The following KDM2A variants were observed in gnomAD, a reference collection of about 807,000 sequenced individuals.
KDM2A encodes the protein lysine-specific demethylase 2A.
In KDM2A, 3 loss-of-function variants were observed where a neutral mutation model predicts 137.3. The ratio of observed to expected loss-of-function variants is 0.02; its 90% CI spans 0.01 to 0.06. The LOEUF (loss-of-function observed/expected upper bound fraction) is 0.06. Ranked by LOEUF, KDM2A falls within the 10% of genes least tolerant of loss-of-function variation. The pLI is 1.00. For synonymous variants in KDM2A, 512 were observed against 541.5 expected (o/e 0.95, Z 0.76); for missense variants, 738 against 1,510.6 (o/e 0.49, Z 8.48).
intron 5 of KDM2A, among the ~76,000 whole-genome samples, chr11:67,200,438 C>T (rs1173154035): frequency 1.3e-5 from 2 of 152,098 alleles, no homozygotes; most frequent in Non-Finnish European, 2.9e-5. Context: ...AGGATGATCG[C>T]GATCTCCTCA....
At chr11:67,123,278 T>G in intron 2 of KDM2A, among the ~76,000 whole-genome samples, 1 of 97,104 alleles carries the variant, frequency 1.0e-5, no homozygotes, top group Non-Finnish European at 1.7e-5. Flanking sequence ...TACCTGGCTT[T>G]TTTTTTTTTT....
At position 67,209,695 on chromosome 11, in the gene KDM2A, C is replaced by T. The variant is rs191860127; in HGVS notation, c.486+2007C>T. 2.6e-3 allele frequency among the ~76,000 whole-genome samples: 389 copies of T among 152,304 alleles called. 2 individuals carry two copies. Among genetic ancestry groups the T allele is most frequent in the African/African-American group, 9.0e-3 (375 of 41,578 alleles). On this transcript the variant is annotated intron_variant, in intron 6 of 20. Transcript: ENST00000529006. ...CTGACCTCAGGTGATCCACCTGTCT[C>T]AGCCTCCCAAAGTGCTGGAATTACA...
intron 2 of KDM2A, among the ~76,000 whole-genome samples, chr11:67,166,004 A>G (rs1292899843): frequency 1.3e-5 from 2 of 152,136 alleles, no homozygotes; most frequent in East Asian, 3.8e-4. Flanking sequence ...AGTTGCATCA[A>G]TTATAAAAGG....
At chr11:67,176,033 A>G (rs1222849819) in intron 2 of KDM2A, among the ~76,000 whole-genome samples, 2 of 152,174 alleles carry the variant, frequency 1.3e-5, no homozygotes, top group Admixed American at 1.3e-4. Context: ...TTGAATGATG[A>G]TGGCATTATT....
chr11:67,249,084 TTC>T, intron 16 of KDM2A, among the ~76,000 whole-genome samples: 2 of 152,360 alleles, frequency 1.3e-5, no homozygotes, highest in Admixed American at 1.3e-4. Flanking sequence ...GAAAGGAATT[TTC>T]TTACTTTTTA....
At chr11:67,190,436 A>G (rs918560782) in intron 5 of KDM2A, among the ~76,000 whole-genome samples, 4 of 152,118 alleles carry the variant, frequency 2.6e-5, no homozygotes, top group African/African-American at 7.2e-5. Context: ...AAGTGAGGAC[A>G]TTACTTCCAA....
chr11:67,119,272 T>G lies in KDM2A; in HGVS notation c.-861T>G, dbSNP rs1393342406. On this transcript the variant is annotated 5_prime_UTR_variant, in exon 1 of 21. Transcript: ENST00000529006. The stretch of plus-strand genomic sequence containing the variant: ...CGGAGGAGCTGTGTGTATGTGAGAG[T>G]CTGACGGGTTCAAAATGGCGGCGGC... 1 of 153,810 alleles carries G rather than the reference T, an allele frequency of 6.5e-6. No individual in the cohort carries two copies. The highest frequency in any genetic ancestry group is 1.4e-5 in the Non-Finnish European group (1 of 69,604). 9.5% of individuals were successfully genotyped at this position (153,810 alleles called of 1,614,324 possible). A position where few individuals can be genotyped will look rare whatever the true frequency, so the allele number is the denominator to read the frequency against.
intron 2 of KDM2A, among the ~76,000 whole-genome samples, chr11:67,126,707 CAAAAA>C (rs765065960): frequency 1.3e-5 from 1 of 75,274 alleles, no homozygotes; most frequent in Admixed American, 1.6e-4. Flanking sequence ...GACTCCATTT[CAAAAA>C]AAAAAAAAAA....
chr11:67,242,278 ATG>A (rs35881675), intron 12 of KDM2A, among the ~76,000 whole-genome samples: 130,660 of 148,152 alleles, frequency 0.88, 57,841 homozygotes, highest in South Asian at 0.94. Context: ...GGGTGTGTGT[ATG>A]TGTGTGTGTG....
chr11:67,131,320 G>A (rs993754473), intron 2 of KDM2A, among the ~76,000 whole-genome samples: 19 of 151,616 alleles, frequency 1.3e-4, no homozygotes, highest in Non-Finnish European at 2.4e-4. Context: ...GCGAAACTCC[G>A]TCTCAAAAAA....
chr11:67,147,309 G>T (rs918389773), intron 2 of KDM2A, among the ~76,000 whole-genome samples: 1 of 151,966 alleles, frequency 6.6e-6, no homozygotes, highest in Admixed American at 6.6e-5. Flanking sequence ...TTGGGAGGCC[G>T]AGGCGGGCCA....
At chr11:67,171,829 A>G (rs1430064981) in intron 2 of KDM2A, among the ~76,000 whole-genome samples, 1 of 152,228 alleles carries the variant, frequency 6.6e-6, no homozygotes, top group African/African-American at 2.4e-5. Context: ...TGGCATGCTT[A>G]CTGAAAATCA....
intron 12 of KDM2A, among the ~76,000 whole-genome samples, chr11:67,239,057 A>G (rs1006598832): frequency 6.6e-6 from 1 of 152,324 alleles, no homozygotes; most frequent in Non-Finnish European, 1.5e-5. Context: ...GTGAGAAGGC[A>G]GTGAGGTGTC....
chr11:67,123,910 C>T (rs1306361486), intron 2 of KDM2A, among the ~76,000 whole-genome samples: 1 of 151,848 alleles, frequency 6.6e-6, no homozygotes, highest in East Asian at 1.9e-4. Flanking sequence ...CTCCTGACCT[C>T]AGATGATCCG....
At chr11:67,140,944 C>A (rs758746844) in intron 2 of KDM2A, among the ~76,000 whole-genome samples, 2 of 151,992 alleles carry the variant, frequency 1.3e-5, no homozygotes, top group Non-Finnish European at 2.9e-5. Context: ...GTTTAAAAAA[C>A]GCTATATTTT....
intron 12 of KDM2A, chr11:67,240,254 C>T: frequency 6.5e-7 from 1 of 1,535,534 alleles, no homozygotes; most frequent in Non-Finnish European, 8.7e-7. Context: ...CCGGATTTTC[C>T]CAGAGGCAGA....
rs1318104519 is a variant in KDM2A, at chr11:67,160,432, G to A, written c.43-19647G>A. Among the ~76,000 whole-genome samples the A allele has an allele frequency of 3.9e-5, 6 of 152,164 alleles. No homozygotes were observed. In the East Asian group the frequency reaches 1.2e-3, roughly 29 times the overall value. The stretch of plus-strand genomic sequence containing the variant: ...CAGTAACCTTAATGCCAGCAGGAAA[G>A]TGATTTTGTGACCAGTTTGTTAGGG... On this transcript the variant is annotated intron_variant, in intron 2 of 20. Transcript: ENST00000529006.
intron 2 of KDM2A, among the ~76,000 whole-genome samples, chr11:67,170,553 C>T (rs1354003399): frequency 6.6e-6 from 1 of 151,774 alleles, no homozygotes. Context: ...GCTGGGACTG[C>T]AGGCACCTGC....
intron 11 of KDM2A, among the ~76,000 whole-genome samples, chr11:67,230,413 A>G (rs1858674594): frequency 6.6e-6 from 1 of 152,178 alleles, no homozygotes; most frequent in African/African-American, 2.4e-5. Flanking sequence ...GGCACACCTA[A>G]GTCCAAGAGG....
Sources: gnomAD v4.1 joint callset for allele counts (sites outside exome capture counted in the v4.1 genomes callset) on GRCh38, gnomAD v4.1.1 for gene constraint, MANE v1.5 for transcripts, NCBI Gene and HGNC (gene_info 2026-07-23, HGNC 2026-07-21) for gene names.